PRMT3: variants seen among roughly 807,000 people sequenced by gnomAD.
The protein encoded by PRMT3 is protein arginine methyltransferase 3.
A neutral mutation model predicts 71.9 loss-of-function variants in PRMT3; 62 were observed. That is an observed-to-expected ratio of 0.86 (90% CI 0.70 to 1.07). PRMT3 has a LOEUF of 1.07. Ranked by LOEUF, PRMT3 falls within the 50% of genes least tolerant of loss-of-function variation. The pLI is 0.00. For missense variants in PRMT3, 663 were observed against 643.0 expected (o/e 1.03, Z -0.34); for synonymous variants, 213 against 220.4 (o/e 0.97, Z 0.30).
intron 10 of PRMT3, among the ~76,000 whole-genome samples, chr11:20,436,548 T>C (rs1178805050): frequency 6.6e-6 from 1 of 152,188 alleles, no homozygotes; most frequent in African/African-American, 2.4e-5. Context: ...GATGATCATA[T>C]GGCTTTTGTC....
intron 11 of PRMT3, among the ~76,000 whole-genome samples, chr11:20,458,548 G>T (rs1850317025): frequency 6.6e-6 from 1 of 152,146 alleles, no homozygotes; most frequent in South Asian, 2.1e-4. Flanking sequence ...TTCAATTATA[G>T]CTTCTATCTG....
chr11:20,387,791 C>G lies in PRMT3; in HGVS notation c.28+17C>G, dbSNP rs1312391691. 1.3e-6 allele frequency: 2 copies of G among 1,541,940 alleles called. No individual in the cohort carries two copies. Among genetic ancestry groups the G allele is most frequent in the Non-Finnish European group, 1.7e-6 (2 of 1,146,332 alleles). On this transcript the variant is annotated intron_variant, in intron 1 of 15. Coordinates refer to ENST00000331079, the MANE Select transcript of PRMT3 (RefSeq NM_005788.4). The surrounding 1 kb of genome is among the most constrained non-coding windows in gnomAD (Gnocchi z 4.3). Reference sequence around the variant, plus strand: ...GCGCTACCGGTGGGTACCCTGGCCCCTCAGCACCCGGCTCGTCCAGCCCCA... The same window carrying G: ...GCGCTACCGGTGGGTACCCTGGCCCGTCAGCACCCGGCTCGTCCAGCCCCA...
At position 20,469,255 on chromosome 11, in the gene PRMT3, G is replaced by A. The variant is rs532640936; in HGVS notation, c.1347+4709G>A. On this transcript the variant is annotated intron_variant, in intron 13 of 15. Transcript: ENST00000331079. Reference sequence around the variant, plus strand: ...TTTATAGGTGTTCAAAAGCAAAAGCGGTAAGACTATAAAATTTAGAAGTCA... The same window carrying A: ...TTTATAGGTGTTCAAAAGCAAAAGCAGTAAGACTATAAAATTTAGAAGTCA... 2.6e-4 allele frequency among the ~76,000 whole-genome samples: 40 copies of A among 152,218 alleles called. No individual in the cohort carries two copies. The South Asian group carries it at 6.0e-3, about 23-fold the overall frequency.
At chr11:20,501,982 G>T (rs770956482) in intron 15 of PRMT3, among the ~76,000 whole-genome samples, 10 of 151,928 alleles carry the variant, frequency 6.6e-5, no homozygotes, top group Admixed American at 1.3e-4. Flanking sequence ...ATAATGATTT[G>T]TTGTGTTTTT....
At chr11:20,475,968 C>T (rs994375297) in intron 13 of PRMT3, among the ~76,000 whole-genome samples, 21 of 151,880 alleles carry the variant, frequency 1.4e-4, no homozygotes, top group African/African-American at 5.1e-4. Context: ...GAGCCACCGC[C>T]TTTTAAATCT....
chr11:20,433,703 C>T (rs781332233), intron 10 of PRMT3, among the ~76,000 whole-genome samples: 1 of 152,068 alleles, frequency 6.6e-6, no homozygotes, highest in Non-Finnish European at 1.5e-5. Context: ...TCACTGCAAC[C>T]TCCACCCCCC....
At chr11:20,424,317 G>A (rs1849495210) in intron 9 of PRMT3, among the ~76,000 whole-genome samples, 2 of 152,120 alleles carry the variant, frequency 1.3e-5, no homozygotes, top group Non-Finnish European at 2.9e-5. Context: ...AATGAAGAAA[G>A]TGTTGTATTG....
At chr11:20,402,081 C>T (rs1487893583) in intron 7 of PRMT3, among the ~76,000 whole-genome samples, 3 of 151,914 alleles carry the variant, frequency 2.0e-5, no homozygotes, top group Admixed American at 2.0e-4. Context: ...GCAATGTTTA[C>T]ATTTATTTAC....
rs1334997186 is a variant in PRMT3, at chr11:20,387,995, C to CTGATTGTTGTGTGTGTGTGTTAG, written c.29-23_29-1dup. Reference sequence around the variant, plus strand: ...GGCCGCACCGGTGTCCGAGGCCGATCTGATTGTTGTGTGTGTGTGTTAGGC... The same window carrying CTGATTGTTGTGTGTGTGTGTTAG: ...GGCCGCACCGGTGTCCGAGGCCGATCTGATTGTTGTGTGTGTGTGTTAGTGATTGTTGTGTGTGTGTGTTAGGC... On this transcript the variant is annotated intron_variant, in intron 1 of 15. Coordinates refer to ENST00000331079, the MANE Select transcript of PRMT3 (RefSeq NM_005788.4). This position sits in a 1 kb window ranked among gnomAD's most constrained non-coding sequence, Gnocchi z 4.3. 1 of 1,613,230 alleles carries CTGATTGTTGTGTGTGTGTGTTAG rather than the reference C, an allele frequency of 6.2e-7. No individual in the cohort carries two copies. Among genetic ancestry groups the CTGATTGTTGTGTGTGTGTGTTAG allele is most frequent in the East Asian group, 2.2e-5 (1 of 44,864 alleles).
In PRMT3 at chr11:20,387,813, C is replaced by T. The variant is rs1848627833; in HGVS notation, c.28+39C>T. On this transcript the variant is annotated intron_variant, in intron 1 of 15. Coordinates refer to ENST00000331079, the MANE Select transcript of PRMT3 (RefSeq NM_005788.4). The surrounding 1 kb of genome is among the most constrained non-coding windows in gnomAD (Gnocchi z 4.3). Reference sequence around the variant, plus strand: ...CCCCTCAGCACCCGGCTCGTCCAGCCCCAGGCCGCGCCGCTGTGGGGCCGG... The same window carrying T: ...CCCCTCAGCACCCGGCTCGTCCAGCTCCAGGCCGCGCCGCTGTGGGGCCGG... The T allele has an allele frequency of 2.6e-6, 4 of 1,540,488 alleles. No homozygotes were observed. The highest frequency in any genetic ancestry group is 3.5e-6 in the Non-Finnish European group (4 of 1,145,896).
chr11:20,484,971 A>G (rs1398307381), intron 13 of PRMT3, among the ~76,000 whole-genome samples: 2 of 152,236 alleles, frequency 1.3e-5, no homozygotes, highest in African/African-American at 4.8e-5. Flanking sequence ...GCATTTACCA[A>G]TTCAGAGGAA....
At chr11:20,477,982 G>A (rs1304852377) in intron 13 of PRMT3, among the ~76,000 whole-genome samples, 1 of 152,270 alleles carries the variant, frequency 6.6e-6, no homozygotes, top group East Asian at 1.9e-4. Flanking sequence ...CCTTGTCCCA[G>A]CAAAGTTCTT....
intron 13 of PRMT3, among the ~76,000 whole-genome samples, chr11:20,479,123 C>T (rs1017895402): frequency 1.3e-5 from 2 of 152,038 alleles, no homozygotes; most frequent in Non-Finnish European, 2.9e-5. Context: ...TGTGATCCCA[C>T]CTCTACAGTT....
intron 8 of PRMT3, 73 bp from the exon 9 acceptor site, chr11:20,407,838 T>C: frequency 7.2e-7 from 1 of 1,396,840 alleles, no homozygotes; most frequent in Non-Finnish European, 9.8e-7. Flanking sequence ...CATCATAATA[T>C]ATGAATAGAA....
chr11:20,501,390 A>G (rs949030689), intron 15 of PRMT3, among the ~76,000 whole-genome samples: 8 of 152,152 alleles, frequency 5.3e-5, no homozygotes, highest in Non-Finnish European at 1.2e-4. Context: ...GGGTAACACT[A>G]TGCCAAGGTC....
At chr11:20,423,655 G>T (rs1430560992) in intron 9 of PRMT3, among the ~76,000 whole-genome samples, 2 of 152,018 alleles carry the variant, frequency 1.3e-5, no homozygotes, top group Non-Finnish European at 2.9e-5. Flanking sequence ...TTATTCCATT[G>T]AAGATAATTT....
rs566768776 is a variant in PRMT3, at chr11:20,496,410, C to G, written c.1486+2156C>G. 2.0e-5 allele frequency among the ~76,000 whole-genome samples: 3 copies of G among 152,084 alleles called. No individual in the cohort carries two copies. The South Asian group carries it at 6.2e-4, about 32-fold the overall frequency. On this transcript the variant is annotated intron_variant, in intron 15 of 15. Coordinates refer to ENST00000331079, the MANE Select transcript of PRMT3 (RefSeq NM_005788.4). ...TCCAGCTGGGGCGACATAGTGAGAC[C>G]CTGTCTCTTGGGGAGTTAATGTAAG... is the stretch of plus-strand genomic sequence containing the variant.
intron 7 of PRMT3, among the ~76,000 whole-genome samples, chr11:20,401,332 C>T (rs571634716): frequency 1.3e-4 from 19 of 151,730 alleles, no homozygotes; most frequent in Non-Finnish European, 2.4e-4. Context: ...GTGTATGAAA[C>T]GGTATGCTTT....
intron 15 of PRMT3, among the ~76,000 whole-genome samples, chr11:20,504,735 AGAGAGAGAGAGC>A (rs1055774594): frequency 1.3e-5 from 2 of 151,496 alleles, no homozygotes; most frequent in Non-Finnish European, 2.9e-5. Context: ...AGAGAGAGAG[AGAGAGAGAGAGC>A]GAGAGCGACT....
Sources: gnomAD v4.1 joint callset for allele counts (sites outside exome capture counted in the v4.1 genomes callset) on GRCh38, gnomAD v4.1.1 for gene constraint, Gnocchi (gnomAD v3.1) non-coding constraint, MANE v1.5 for transcripts, NCBI Gene and HGNC (gene_info 2026-07-23, HGNC 2026-07-21) for gene names.